Variants in GTSE1 observed in about 807,000 individuals in gnomAD.
The protein encoded by GTSE1 is G2 and S-phase expressed 1.
GTSE1 carries 52 observed loss-of-function variants against 60.5 expected under a neutral mutation model. That is an observed-to-expected ratio of 0.86 (90% CI 0.69 to 1.08). The LOEUF is 1.08. Ranked by LOEUF, GTSE1 falls within the 50% of genes least tolerant of loss-of-function variation. The pLI, the probability that GTSE1 is intolerant of heterozygous loss-of-function variation, is 0.00. For synonymous variants in GTSE1, 368 were observed against 386.5 expected, an observed-to-expected ratio of 0.95 and a Z score of 0.56; for missense variants, 937 against 961.8, an observed-to-expected ratio of 0.97 and a Z score of 0.34.
chr22:46,323,157 T>C (rs8135305), intron 7 of GTSE1, 33 bp from the exon 8 acceptor site: 85,326 of 1,490,136 alleles, frequency 0.057, 3,113 homozygotes, highest in African/African-American at 0.15. Context: ...CTGATCACTT[T>C]ACCTGACCGC....
chr22:46,318,794 T>C lies in GTSE1; in HGVS notation c.1432+2382T>C, dbSNP rs2147826349. Among the ~76,000 whole-genome samples the C allele has an allele frequency of 6.6e-6, 1 of 152,228 alleles. No individual in the cohort carries two copies. The highest frequency in any genetic ancestry group is 1.5e-5 in the Non-Finnish European group (1 of 68,014). ...CTGCGGTCGGGATTCTGCGTAGACG[T>C]GCGACAGCTGGTCAGTACTCCTTGG... On this transcript the variant is annotated intron_variant, in intron 7 of 11. Coordinates refer to ENST00000454366, the MANE Select transcript of GTSE1 (RefSeq NM_016426.7). The surrounding 1 kb of genome is among the most constrained non-coding windows in gnomAD (Gnocchi z 4.8).
At position 46,313,708 on chromosome 22, in the gene GTSE1, C is replaced by T. The variant is rs547533945; in HGVS notation, c.928-182C>T. On this transcript the variant is annotated intron_variant, in intron 5 of 11. Transcript: ENST00000454366. This position sits in a 1 kb window ranked among gnomAD's most constrained non-coding sequence, Gnocchi z 4.4. Reference sequence around the variant, plus strand: ...ATTTTTAGTAGAGACAAGGTTTCACCATATTGGCCAGGCTGGTCTCAAACT... The same window carrying T: ...ATTTTTAGTAGAGACAAGGTTTCACTATATTGGCCAGGCTGGTCTCAAACT... Among the ~76,000 whole-genome samples, 5 of 152,310 alleles carry T rather than the reference C, an allele frequency of 3.3e-5. No homozygotes were observed. The highest frequency in any genetic ancestry group is 2.0e-4 in the Admixed American group (3 of 15,298).
chr22:46,298,782 T>C (rs757907639), intron 2 of GTSE1, among the ~76,000 whole-genome samples: 3 of 152,246 alleles, frequency 2.0e-5, no homozygotes, highest in Non-Finnish European at 4.4e-5. Context: ...CTGCTCCTTC[T>C]TGAGGCCTTC....
rs1485553758 is a variant in GTSE1, at chr22:46,304,426, G to A, written c.80-3724G>A. 2.0e-5 allele frequency among the ~76,000 whole-genome samples: 3 copies of A among 152,110 alleles called. No individual in the cohort carries two copies. The highest frequency in any genetic ancestry group is 4.4e-5 in the Non-Finnish European group (3 of 68,018). ...CTAATGCTGGCTTTGGGTTGAGATG[G>A]GGATTTCCTTATATATCTATTACTT... On this transcript the variant is annotated intron_variant, in intron 2 of 11. Transcript: ENST00000454366. This position sits in a 1 kb window ranked among gnomAD's most constrained non-coding sequence, Gnocchi z 4.4.
chr22:46,303,654 A>T (rs1397321234), intron 2 of GTSE1, among the ~76,000 whole-genome samples: 1 of 152,202 alleles, frequency 6.6e-6, no homozygotes, highest in African/African-American at 2.4e-5. Flanking sequence ...ATACTGGGTT[A>T]TGGGTTAATT....
At chr22:46,326,397 T>C in intron 8 of GTSE1, 39 bp from the exon 9 acceptor site, 4 of 1,497,570 alleles carry the variant, frequency 2.7e-6, no homozygotes, top group Non-Finnish European at 3.7e-6. Context: ...ACTTTTTCTA[T>C]GTCATCTCAG....
At chr22:46,308,991 C>G (rs747530341) in intron 4 of GTSE1, 48 bp downstream of exon 4, 20 of 1,547,206 alleles carry the variant, frequency 1.3e-5, no homozygotes, top group East Asian at 1.1e-4. Flanking sequence ...CACTCCTTGC[C>G]CCTCAGCCCT....
intron 9 of GTSE1, 74 bp from the exon 10 acceptor site, chr22:46,328,614 A>T: frequency 1.7e-6 from 2 of 1,166,164 alleles, no homozygotes; most frequent in Non-Finnish European, 2.5e-6. Context: ...CTCCAGAGTG[A>T]CTTGCTTCCC....
At chr22:46,305,505 A>G (rs146264875) in intron 2 of GTSE1, among the ~76,000 whole-genome samples, 1,693 of 152,286 alleles carry the variant, frequency 0.011, 28 homozygotes, top group African/African-American at 0.039. Flanking sequence ...GCTACTCGGG[A>G]GGCTGAGGCA....
intron 5 of GTSE1, among the ~76,000 whole-genome samples, chr22:46,312,562 C>T (rs2077754841): frequency 6.6e-6 from 1 of 151,310 alleles, no homozygotes; most frequent in Non-Finnish European, 1.5e-5. Context: ...TTGCTTGAGC[C>T]CAGGAGGTCG....
rs965423554 is a variant in GTSE1 at position 46,319,137 on chromosome 22, G to A, written c.1432+2725G>A. On this transcript the variant is annotated intron_variant, in intron 7 of 11. Transcript: ENST00000454366. This position sits in a 1 kb window ranked among gnomAD's most constrained non-coding sequence, Gnocchi z 5.0. ...AAAAACTAGCAACCTCAGCCAGTCA[G>A]TGACCGAGGGGCAGGGTAAGAAGAG... is the stretch of plus-strand genomic sequence containing the variant. 6.6e-6 allele frequency among the ~76,000 whole-genome samples: 1 copy of A among 152,238 alleles called. No individual in the cohort carries two copies. The highest frequency in any genetic ancestry group is 1.5e-5 in the Non-Finnish European group (1 of 68,044).
Position 46,329,258 on chromosome 22 carries a change from A to G in GTSE1, c.1927-100A>G. 9.7e-7 allele frequency: 1 copy of G among 1,032,004 alleles called. No individual in the cohort carries two copies. Among genetic ancestry groups the G allele is most frequent in the South Asian group, 1.3e-5 (1 of 78,286 alleles). 63.9% of individuals were successfully genotyped at this position (1,032,004 alleles called of 1,614,324 possible). A position where few individuals can be genotyped will look rare whatever the true frequency, so the allele number is the denominator to read the frequency against. On this transcript the variant is annotated intron_variant, in intron 10 of 11. Transcript: ENST00000454366. The surrounding 1 kb of genome is among the most constrained non-coding windows in gnomAD (Gnocchi z 6.4). Reference sequence around the variant, plus strand: ...CCCCGCCTGATTCCTTGGCTTTCCAAACCGCCAGCCCACCTGGAACATGAG... The same window carrying G: ...CCCCGCCTGATTCCTTGGCTTTCCAGACCGCCAGCCCACCTGGAACATGAG...
In GTSE1 at chr22:46,308,132, T is replaced by G; in HGVS notation, c.80-18T>G. 1 of 1,572,978 alleles carries G rather than the reference T, an allele frequency of 6.4e-7. No homozygotes were observed. Among genetic ancestry groups the G allele is most frequent in the Non-Finnish European group, 8.7e-7 (1 of 1,143,004 alleles). On this transcript the variant is annotated intron_variant, in intron 2 of 11. Coordinates refer to ENST00000454366, the MANE Select transcript of GTSE1 (RefSeq NM_016426.7). Reference sequence around the variant, plus strand: ...ATCAGCTGTGGCACTAAAATAACAGTGGATTTTTTCCCTCTAGACATTCTT... The same window carrying G: ...ATCAGCTGTGGCACTAAAATAACAGGGGATTTTTTCCCTCTAGACATTCTT...
chr22:46,305,347 C>T (rs2077709761), intron 2 of GTSE1, among the ~76,000 whole-genome samples: 1 of 152,096 alleles, frequency 6.6e-6, no homozygotes, highest in Non-Finnish European at 1.5e-5. Context: ...CGGTGGCTCA[C>T]GCCTGTAATC....
rs1190669574 is a variant in GTSE1 at position 46,319,416 on chromosome 22, T to A, written c.1432+3004T>A. On this transcript the variant is annotated intron_variant, in intron 7 of 11. Coordinates refer to ENST00000454366, the MANE Select transcript of GTSE1 (RefSeq NM_016426.7). This position sits in a 1 kb window ranked among gnomAD's most constrained non-coding sequence, Gnocchi z 5.0. The stretch of plus-strand genomic sequence containing the variant: ...GGGGAAGGAGGCTGGAGCGCTGCGG[T>A]CTGCCTGACGTTCTGGTAGCTTAGG... Among the ~76,000 whole-genome samples, 2 of 152,072 alleles carry A rather than the reference T, an allele frequency of 1.3e-5. No individual in the cohort carries two copies. The highest frequency in any genetic ancestry group is 4.8e-5 in the African/African-American group (2 of 41,416).
intron 8 of GTSE1, 23 bp from the exon 9 acceptor site, chr22:46,326,413 G>T: frequency 6.4e-7 from 1 of 1,559,986 alleles, no homozygotes; most frequent in South Asian, 1.1e-5. Context: ...CTCAGCTCAC[G>T]ACACTGATGT....
Position 46,330,546 on chromosome 22 carries a change from A to T in GTSE1, c.*416A>T, listed in dbSNP as rs1174266411. 1 of 172,362 alleles carries T rather than the reference A, an allele frequency of 5.8e-6. No individual in the cohort carries two copies. Among genetic ancestry groups the T allele is most frequent in the Non-Finnish European group, 1.2e-5 (1 of 80,616 alleles). The allele number at this position is 172,362 out of a possible 1,614,324, so 10.7% of individuals were successfully genotyped here. A position where few individuals can be genotyped will look rare whatever the true frequency, so the allele number is the denominator to read the frequency against. ...TATTTGAAAAAGAAAAATAAGCATAAATATATTCCCAGTGCTGGAGAGGGT... is the reference window on the plus strand; with the variant it reads ...TATTTGAAAAAGAAAAATAAGCATATATATATTCCCAGTGCTGGAGAGGGT... On this transcript the variant is annotated 3_prime_UTR_variant, in exon 12 of 12. Coordinates refer to ENST00000454366, the MANE Select transcript of GTSE1 (RefSeq NM_016426.7). The surrounding 1 kb of genome is among the most constrained non-coding windows in gnomAD (Gnocchi z 6.0).
In GTSE1 at chr22:46,329,995, G is replaced by C. The variant is rs367696545; in HGVS notation, c.2137-52G>C. On this transcript the variant is annotated intron_variant, in intron 11 of 11. Coordinates refer to ENST00000454366, the MANE Select transcript of GTSE1 (RefSeq NM_016426.7). This position sits in a 1 kb window ranked among gnomAD's most constrained non-coding sequence, Gnocchi z 6.4. ...CCAGTCCTCTGTGCAGGGAGGGGAA[G>C]GGAGGCCCTAGCCGGATCCACGCTC... The C allele has an allele frequency of 5.4e-5, 58 of 1,081,836 alleles. No individual in the cohort carries two copies. The African/African-American group carries it at 5.4e-4, about 10-fold the overall frequency. The allele number at this position is 1,081,836 out of a possible 1,614,324, so 67.0% of individuals were successfully genotyped here. A position where few individuals can be genotyped will look rare whatever the true frequency, so the allele number is the denominator to read the frequency against.
chr22:46,303,124 T>A (rs2077698457), intron 2 of GTSE1, among the ~76,000 whole-genome samples: 1 of 151,936 alleles, frequency 6.6e-6, no homozygotes, highest in Admixed American at 6.6e-5. Flanking sequence ...ATGGTCTCGA[T>A]CTCCTGACCT....
Sources: gnomAD v4.1 joint callset for allele counts (sites outside exome capture counted in the v4.1 genomes callset) on GRCh38, gnomAD v4.1.1 for gene constraint, Gnocchi (gnomAD v3.1) non-coding constraint, MANE v1.5 for transcripts, NCBI Gene and HGNC (gene_info 2026-07-23, HGNC 2026-07-21) for gene names.